Variants in ZSWIM5 observed in about 807,000 individuals in gnomAD.
The protein encoded by ZSWIM5 is zinc finger SWIM-type containing 5.
ZSWIM5 carries 55 observed loss-of-function variants against 119.6 expected under a neutral mutation model. The ratio of observed to expected loss-of-function variants is 0.46; its 90% confidence interval spans 0.37 to 0.58. ZSWIM5 has a LOEUF of 0.58. Among genes scored for constraint, ZSWIM5 ranks in the 20% least tolerant of loss-of-function variants. The pLI is 0.00. For synonymous variants in ZSWIM5, 537 were observed against 606.9 expected (o/e 0.88, Z 1.69); for missense variants, 1,193 against 1,512.8 (o/e 0.79, Z 3.51).
chr1:45,185,314 C>T (rs964485971), intron 1 of ZSWIM5, among the ~76,000 whole-genome samples: 7 of 150,598 alleles, frequency 4.6e-5, no homozygotes, highest in African/African-American at 1.7e-4. Context: ...AAAACCTAGG[C>T]ATTACCATTC....
intron 7 of ZSWIM5, among the ~76,000 whole-genome samples, chr1:45,039,852 G>T (rs1369405326): frequency 6.6e-6 from 1 of 151,814 alleles, no homozygotes; most frequent in African/African-American, 2.4e-5. Context: ...TTACAGGCAC[G>T]CGCCACCACG....
chr1:45,065,322 T>A (rs1367875737), intron 2 of ZSWIM5, among the ~76,000 whole-genome samples: 1 of 152,106 alleles, frequency 6.6e-6, no homozygotes, highest in Non-Finnish European at 1.5e-5. Context: ...CTGGGGTGGT[T>A]AAGTTAGGAT....
At chr1:45,177,922 T>G (rs1044318720) in intron 1 of ZSWIM5, among the ~76,000 whole-genome samples, 10 of 151,912 alleles carry the variant, frequency 6.6e-5, no homozygotes, top group African/African-American at 2.4e-4. Flanking sequence ...AGTAATAAAT[T>G]CATTCCACAA....
chr1:45,044,804 A>AT lies in ZSWIM5; in HGVS notation c.1433-1410_1433-1409insA. 8.5e-4 allele frequency among the ~76,000 whole-genome samples: 2 copies of AT among 2,352 alleles called. 1 individual carries two copies. Among genetic ancestry groups the AT allele is most frequent in the African/African-American group, 2.3e-3 (2 of 874 alleles). The allele number at this position is 2,352 out of a possible 152,430, so 1.5% of individuals were successfully genotyped here. A position where few individuals can be genotyped will look rare whatever the true frequency, so the allele number is the denominator to read the frequency against. On this transcript the variant is annotated intron_variant, in intron 5 of 13. Transcript: ENST00000359600. ...ATATATATATAAATATATATATATA[A>AT]ATATATATATATATATAAATATATA...
intron 1 of ZSWIM5, among the ~76,000 whole-genome samples, chr1:45,185,791 A>C (rs562149969): frequency 7.9e-5 from 12 of 152,334 alleles, no homozygotes; most frequent in South Asian, 2.1e-4. Context: ...GAACACTTTT[A>C]CACTGTTGGT....
chr1:45,182,444 A>C (rs1646027395), intron 1 of ZSWIM5, among the ~76,000 whole-genome samples: 1 of 151,586 alleles, frequency 6.6e-6, no homozygotes. Context: ...ACAAAAAGAC[A>C]CAGACTGGCA....
At chr1:45,094,636 G>T (rs898141489) in intron 1 of ZSWIM5, among the ~76,000 whole-genome samples, 2 of 152,092 alleles carry the variant, frequency 1.3e-5, no homozygotes, top group Non-Finnish European at 2.9e-5. Context: ...GCTGAGGCAG[G>T]TGGATCACTT....
At chr1:45,195,728 A>T (rs1034342875) in intron 1 of ZSWIM5, among the ~76,000 whole-genome samples, 3 of 152,174 alleles carry the variant, frequency 2.0e-5, no homozygotes, top group African/African-American at 7.2e-5. Flanking sequence ...CACATCCATT[A>T]ATAAAGATAG....
chr1:45,065,944 G>A (rs1645180387), intron 2 of ZSWIM5, among the ~76,000 whole-genome samples: 1 of 151,826 alleles, frequency 6.6e-6, no homozygotes, highest in South Asian at 2.1e-4. Flanking sequence ...CATGTGCCAT[G>A]TTGCTGTGCT....
chr1:45,069,855 A>G lies in ZSWIM5; in HGVS notation c.953-9608T>C, dbSNP rs554907243. 32 of 378,966 alleles carry G rather than the reference A, an allele frequency of 8.4e-5. No individual in the cohort carries two copies. In the East Asian group the frequency reaches 1.4e-3, roughly 16 times the overall value. 23.5% of individuals were successfully genotyped at this position (378,966 alleles called of 1,614,324 possible). ...AATATGCTTCCTGTTTTTTCAGTAC[A>G]TATTTCTTTTACTGTTGCTCTTCAT... On this transcript the variant is annotated intron_variant, in intron 2 of 13. Transcript: ENST00000359600.
intron 2 of ZSWIM5, among the ~76,000 whole-genome samples, chr1:45,080,871 C>G (rs1038225260): frequency 2.6e-5 from 4 of 152,110 alleles, no homozygotes; most frequent in African/African-American, 9.7e-5. Context: ...GAAGGATAGT[C>G]AAATCTGAGT....
intron 5 of ZSWIM5, among the ~76,000 whole-genome samples, chr1:45,044,830 TATATAA>T (rs1479049469): frequency 2.9e-4 from 3 of 10,372 alleles, no homozygotes; most frequent in African/African-American, 3.8e-4. Flanking sequence ...TAAATATATA[TATATAA>T]ATATATATAT....
rs1645136661 is a variant in ZSWIM5 at position 45,058,678 on chromosome 1, G to A, written c.1183C>T (p.Arg395Ter). ...CCTTGCTGCCTCCAGAGTGTGAGTC[G>A]TGGGTCAGCCACAAACTGCTCAGTT... The part of the protein sequence containing the change: ...LITEQFVADP[R>*]LTLWRQQGTN... Residue 395 changes from arginine (R) to a stop codon, truncating the protein, a stop_gained, in exon 4 of 14, where the codon CGA becomes TGA. Coordinates refer to ENST00000359600, the MANE Select transcript of ZSWIM5 (RefSeq NM_020883.2). LOFTEE classifies it high-confidence loss of function. 4 of 1,614,076 alleles carry A rather than the reference G, an allele frequency of 2.5e-6. No individual in the cohort carries two copies. The highest frequency in any genetic ancestry group is 3.4e-6 in the Non-Finnish European group (4 of 1,180,036).
At chr1:45,168,404 AC>A (rs1244828856) in intron 1 of ZSWIM5, among the ~76,000 whole-genome samples, 1 of 152,040 alleles carries the variant, frequency 6.6e-6, no homozygotes, top group African/African-American at 2.4e-5. Flanking sequence ...TGGCTGCAGC[AC>A]ACCAACATGG....
rs1157413079 is a variant in ZSWIM5 at position 45,018,707 on chromosome 1, G to A, written c.3305C>T (p.Ser1102Phe). The A allele has an allele frequency of 5.0e-6, 8 of 1,614,266 alleles. No homozygotes were observed. The highest frequency in any genetic ancestry group is 1.7e-5 in the Admixed American group (1 of 60,028). ...PGRRSSGKLM[S>F]TDKAPLRQLL... is the part of the protein sequence containing the mutation. Reference sequence around the variant, plus strand: ...CTGGCGCAATGGAGCTTTGTCAGTGGACATGAGCTTTCCAGAGCTTCGGCG... The same window carrying A: ...CTGGCGCAATGGAGCTTTGTCAGTGAACATGAGCTTTCCAGAGCTTCGGCG... Residue 1102 changes from serine (S) to phenylalanine (F), a missense_variant, in exon 14 of 14, where the codon TCC (serine) becomes TTC (phenylalanine). Physicochemically the swap from Ser to Phe is radical, Grantham distance 155. Around this residue, in one of 2 missense-constraint regions of ZSWIM5, gnomAD observed 961 missense variants for 1,290.0 expected, o/e 0.74. Transcript: ENST00000359600. This position sits in a 1 kb window ranked among gnomAD's most constrained non-coding sequence, Gnocchi z 6.7.
Position 45,206,222 on chromosome 1 carries a change from C to T in ZSWIM5, c.129G>A (p.Gly43=). The stretch of plus-strand genomic sequence containing the variant: ...GGCAGCTGCTGCCGACGCCCCCTGC[C>T]CCTCCGCCGGCTGCCCCAGGCGAAC... ...PRGSPGAAGG[G]AGGVGSSCLV... The change falls in exon 1 of 14, where the codon GGG becomes GGA. Residue 43 remains glycine, a synonymous_variant. Coordinates refer to ENST00000359600, the MANE Select transcript of ZSWIM5 (RefSeq NM_020883.2). 6.3e-7 allele frequency: 1 copy of T among 1,586,792 alleles called. No homozygotes were observed. Among genetic ancestry groups the T allele is most frequent in the Non-Finnish European group, 8.6e-7 (1 of 1,168,144 alleles).
At chr1:45,041,239 G>A (rs747074411) in intron 6 of ZSWIM5, among the ~76,000 whole-genome samples, 8 of 152,114 alleles carry the variant, frequency 5.3e-5, no homozygotes, top group Non-Finnish European at 2.9e-5. Flanking sequence ...TTAGAATTAT[G>A]TTATGTGGCC....
At chr1:45,142,915 A>C (rs1229966778) in intron 1 of ZSWIM5, among the ~76,000 whole-genome samples, 1 of 151,740 alleles carries the variant, frequency 6.6e-6, no homozygotes, top group Non-Finnish European at 1.5e-5. Flanking sequence ...TCATACCTAT[A>C]ATCCCAGCAC....
intron 1 of ZSWIM5, among the ~76,000 whole-genome samples, chr1:45,165,773 G>T (rs1449961594): frequency 1.3e-5 from 2 of 152,086 alleles, no homozygotes. Flanking sequence ...CCAGGAAGAA[G>T]TTGAATCCCT....
Sources: gnomAD v4.1 joint callset for allele counts (sites outside exome capture counted in the v4.1 genomes callset) on GRCh38, gnomAD v4.1.1 for gene constraint, gnomAD v4.1.1 regional missense constraint, Gnocchi (gnomAD v3.1) non-coding constraint, MANE v1.5 for transcripts, NCBI Gene and HGNC (gene_info 2026-07-23, HGNC 2026-07-21) for gene names.